The following SRRM4 variants were observed in gnomAD, a reference collection of about 807,000 sequenced individuals.
SRRM4 encodes the protein serine/arginine repetitive matrix protein 4.
A neutral mutation model predicts 68.9 loss-of-function variants in SRRM4; 33 were observed. The observed-to-expected ratio is 0.48, with a 90% CI of 0.36 to 0.64. SRRM4 has a LOEUF of 0.64. Ranked by LOEUF, SRRM4 falls within the 30% of genes least tolerant of loss-of-function variation. The probability of loss-of-function intolerance (pLI) is 0.00; values close to 1 mark genes in which losing one functional copy is unlikely to be tolerated. For synonymous variants in SRRM4, 318 were observed against 318.8 expected (o/e 1.00, Z 0.03); for missense variants, 817 against 827.1 (o/e 0.99, Z 0.15).
At chr12:119,037,883 G>A (rs986055553) in intron 1 of SRRM4, among the ~76,000 whole-genome samples, 4 of 152,190 alleles carry the variant, frequency 2.6e-5, no homozygotes, top group Non-Finnish European at 4.4e-5. Context: ...CTGAATTTCA[G>A]CTTCCTCAAC....
intron 1 of SRRM4, among the ~76,000 whole-genome samples, chr12:119,066,249 T>C (rs1239478923): frequency 6.6e-6 from 1 of 152,146 alleles, no homozygotes; most frequent in Admixed American, 6.6e-5. Context: ...AGTACTGTAA[T>C]AAACCTTGTA....
At chr12:118,992,819 C>T (rs967840307) in intron 1 of SRRM4, among the ~76,000 whole-genome samples, 3 of 152,120 alleles carry the variant, frequency 2.0e-5, no homozygotes, top group Non-Finnish European at 1.5e-5. Flanking sequence ...CAGGGCATTC[C>T]ATATTGCATC....
At chr12:119,089,724 T>C (rs1385166184) in intron 1 of SRRM4, among the ~76,000 whole-genome samples, 1 of 146,390 alleles carries the variant, frequency 6.8e-6, no homozygotes, top group African/African-American at 2.6e-5. Flanking sequence ...ACCCTCTCTA[T>C]TCATCCTGCC....
chr12:119,115,318 T>A (rs886204454), intron 3 of SRRM4, among the ~76,000 whole-genome samples: 5 of 152,162 alleles, frequency 3.3e-5, no homozygotes, highest in Admixed American at 3.3e-4. Context: ...CCTTTAAAAT[T>A]TTTTTATATT....
chr12:119,050,074 A>C (rs949969886), intron 1 of SRRM4, among the ~76,000 whole-genome samples: 5 of 152,204 alleles, frequency 3.3e-5, no homozygotes, highest in Non-Finnish European at 5.9e-5. Context: ...TTTATGCTTC[A>C]TCTAGGAGCT....
Position 119,157,971 on chromosome 12 carries a change from T to C in SRRM4, c.*1173T>C, listed in dbSNP as rs966058507. On this transcript the variant is annotated 3_prime_UTR_variant, in exon 13 of 13. Transcript: ENST00000267260. This position sits in a 1 kb window ranked among gnomAD's most constrained non-coding sequence, Gnocchi z 4.1. Reference sequence around the variant, plus strand: ...AGTGCAGGGGAGAGGGGCTTGGATATGCCATGTCTTGGGCTCCTGCTGGCT... The same window carrying C: ...AGTGCAGGGGAGAGGGGCTTGGATACGCCATGTCTTGGGCTCCTGCTGGCT... The C allele has an allele frequency of 6.6e-6, 1 of 152,664 alleles. No individual in the cohort carries two copies. Among genetic ancestry groups the C allele is most frequent in the Non-Finnish European group, 1.5e-5 (1 of 68,190 alleles). The allele number at this position is 152,664 out of a possible 1,614,324, so 9.5% of individuals were successfully genotyped here.
chr12:119,005,939 C>T (rs1953413406), intron 1 of SRRM4, among the ~76,000 whole-genome samples: 2 of 152,172 alleles, frequency 1.3e-5, no homozygotes, highest in South Asian at 4.1e-4. Flanking sequence ...CTTAACCTCT[C>T]TGAGTTTAGT....
At chr12:119,079,315 C>T (rs1392557397) in intron 1 of SRRM4, among the ~76,000 whole-genome samples, 1 of 152,098 alleles carries the variant, frequency 6.6e-6, no homozygotes, top group Non-Finnish European at 1.5e-5. Context: ...CTGAACTCTT[C>T]TTATCTCAAG....
Position 119,028,483 on chromosome 12 carries a change from C to T in SRRM4, c.131+46470C>T, listed in dbSNP as rs141676203. On this transcript the variant is annotated intron_variant, in intron 1 of 12. Coordinates refer to ENST00000267260, the MANE Select transcript of SRRM4 (RefSeq NM_194286.4). The stretch of plus-strand genomic sequence containing the variant: ...GCACAAGTTCTCTTCTCTTGTCTGC[C>T]GCCATGTGAGACATGCCTTTCACCT... 3.8e-3 allele frequency among the ~76,000 whole-genome samples: 573 copies of T among 152,308 alleles called. 3 individuals are homozygous for T. Among genetic ancestry groups the T allele is most frequent in the African/African-American group, 0.012 (515 of 41,566 alleles).
chr12:119,001,098 G>A (rs2135993267), intron 1 of SRRM4: 2 of 152,336 alleles, frequency 1.3e-5, no homozygotes, highest in South Asian at 4.1e-4. Flanking sequence ...TGGCTTCACT[G>A]ATACATTCAT....
chr12:119,017,059 T>G (rs1396822688), intron 1 of SRRM4, among the ~76,000 whole-genome samples: 1 of 152,250 alleles, frequency 6.6e-6, no homozygotes, highest in African/African-American at 2.4e-5. Context: ...AACAGCAAAC[T>G]TTAATATCCG....
rs1009179739 is a variant in SRRM4, at chr12:119,156,725, G to T, written c.1763G>T (p.Arg588Leu). ...GSRSRSRSRS[R>L]SRSRSRSQSR... is the part of the protein sequence containing the mutation. ...CGCAGCCGGAGCCGGAGCAGGAGCCGGAGCCGGAGCCGGAGCAGGAGCCAG... is the reference window on the plus strand; with the variant it reads ...CGCAGCCGGAGCCGGAGCAGGAGCCTGAGCCGGAGCCGGAGCAGGAGCCAG... Residue 588 changes from arginine to leucine, a missense_variant, in exon 13 of 13, where the codon CGG (arginine) becomes CTG (leucine). Physicochemically the swap from Arg to Leu is moderately radical, Grantham distance 102 (BLOSUM62 -2). Transcript: ENST00000267260. 3.2e-6 allele frequency: 5 copies of T among 1,546,552 alleles called. No homozygotes were observed. Among genetic ancestry groups the T allele is most frequent in the Non-Finnish European group, 4.4e-6 (5 of 1,146,292 alleles).
chr12:119,156,719 G>A lies in SRRM4; in HGVS notation c.1757G>A (p.Arg586Lys). Residue 586 changes from arginine (R) to lysine (K), a missense_variant, in exon 13 of 13, where the codon AGG (arginine) becomes AAG (lysine). Transcript: ENST00000267260. ...GGCTCCCGCAGCCGGAGCCGGAGCAGGAGCCGGAGCCGGAGCCGGAGCAGG... is the reference window on the plus strand; with the variant it reads ...GGCTCCCGCAGCCGGAGCCGGAGCAAGAGCCGGAGCCGGAGCCGGAGCAGG... ...SPGSRSRSRSRSRSRSRSRSQ... is the reference protein window; with the variant it reads ...SPGSRSRSRSKSRSRSRSRSQ... 1 of 1,545,128 alleles carries A rather than the reference G, an allele frequency of 6.5e-7. No homozygotes were observed. The highest frequency in any genetic ancestry group is 8.7e-7 in the Non-Finnish European group (1 of 1,145,420).
chr12:119,045,106 C>A (rs1461992618), intron 1 of SRRM4, among the ~76,000 whole-genome samples: 2 of 152,144 alleles, frequency 1.3e-5, no homozygotes, highest in Non-Finnish European at 2.9e-5. Flanking sequence ...TTAGTGTCAT[C>A]GCTGGGCTCA....
At chr12:119,144,219 G>C (rs541706742) in intron 8 of SRRM4, among the ~76,000 whole-genome samples, 1 of 151,522 alleles carries the variant, frequency 6.6e-6, no homozygotes, top group African/African-American at 2.4e-5. Context: ...TCCCTCCCTC[G>C]TGCCCCCTCA....
At chr12:118,991,720 T>C (rs2135989519) in intron 1 of SRRM4, 1 of 152,388 alleles carries the variant, frequency 6.6e-6, no homozygotes, top group Non-Finnish European at 1.5e-5. Context: ...TTTCCTCTGA[T>C]TCATAGGAGA....
At chr12:119,111,141 T>G (rs2136046367) in intron 2 of SRRM4, among the ~76,000 whole-genome samples, 1 of 152,322 alleles carries the variant, frequency 6.6e-6, no homozygotes, top group Middle Eastern at 3.4e-3. Context: ...CTTATTGAAC[T>G]GTCATATATT....
At chr12:118,998,309 G>C (rs1440004903) in intron 1 of SRRM4, among the ~76,000 whole-genome samples, 7 of 124,666 alleles carry the variant, frequency 5.6e-5, no homozygotes, top group Non-Finnish European at 9.8e-5. Flanking sequence ...ATCACAGAGA[G>C]TGTCAACATC....
chr12:119,043,188 A>G (rs1358661570), intron 1 of SRRM4, among the ~76,000 whole-genome samples: 1 of 152,184 alleles, frequency 6.6e-6, no homozygotes, highest in Non-Finnish European at 1.5e-5. Flanking sequence ...GTACATATAC[A>G]CCATAGAACA....
Sources: allele counts gnomAD v4.1 joint callset (sites outside exome capture counted in the v4.1 genomes callset), GRCh38; gene constraint gnomAD v4.1.1; non-coding constraint Gnocchi (gnomAD v3.1); transcripts MANE v1.5; gene names NCBI Gene and HGNC (gene_info 2026-07-23, HGNC 2026-07-21).